NELL1: variants seen among roughly 807,000 people sequenced by gnomAD.
NELL1 encodes the protein neural EGFL like 1.
Under a neutral mutation model 107.4 loss-of-function variants are expected in NELL1, and 76 were observed. The ratio of observed to expected loss-of-function variants is 0.71; its 90% confidence interval spans 0.59 to 0.86. NELL1 has a LOEUF of 0.86. Ranked by LOEUF, NELL1 falls within the 40% of genes least tolerant of loss-of-function variation. The probability of loss-of-function intolerance (pLI) is 0.00; values close to 1 mark genes in which losing one functional copy is unlikely to be tolerated. For missense variants in NELL1, 1,024 were observed against 1,005.5 expected (o/e 1.02, Z -0.25); for synonymous variants, 353 against 341.2 (o/e 1.03, Z -0.38).
chr11:20,725,528 G>T (rs7105114), intron 2 of NELL1, among the ~76,000 whole-genome samples: 16,238 of 152,186 alleles, frequency 0.11, 1,059 homozygotes, highest in Non-Finnish European at 0.15. Flanking sequence ...GTGCTCTCTG[G>T]CTTGAAAGCA....
chr11:21,274,178 C>T (rs372610486), intron 14 of NELL1, among the ~76,000 whole-genome samples: 1 of 152,152 alleles, frequency 6.6e-6, no homozygotes, highest in Non-Finnish European at 1.5e-5. Flanking sequence ...CAGAGACACA[C>T]ATAGGCTCAA....
chr11:21,269,715 A>G (rs547205027), intron 14 of NELL1, among the ~76,000 whole-genome samples: 1 of 152,270 alleles, frequency 6.6e-6, no homozygotes, highest in South Asian at 2.1e-4. Flanking sequence ...AAAATCATAT[A>G]GTTCAAATCA....
At chr11:21,126,057 G>A (rs565696635) in intron 13 of NELL1, among the ~76,000 whole-genome samples, 2 of 152,310 alleles carry the variant, frequency 1.3e-5, no homozygotes, top group South Asian at 4.1e-4. Context: ...CTCTACACAT[G>A]AGGAATCTAT....
chr11:21,387,744 A>G (rs548220305), intron 15 of NELL1, among the ~76,000 whole-genome samples: 2 of 151,582 alleles, frequency 1.3e-5, no homozygotes, highest in African/African-American at 4.8e-5. Context: ...GTGTTACTAT[A>G]GTAACCCTAT....
intron 14 of NELL1, among the ~76,000 whole-genome samples, chr11:21,243,341 C>T (rs377039494): frequency 1.3e-5 from 2 of 151,902 alleles, no homozygotes; most frequent in South Asian, 2.1e-4. Context: ...GAAGCATAGG[C>T]CGTTTTTGCA....
intron 3 of NELL1, among the ~76,000 whole-genome samples, chr11:20,833,249 T>A (rs1246965942): frequency 6.6e-6 from 1 of 152,190 alleles, no homozygotes; most frequent in East Asian, 1.9e-4. Flanking sequence ...TATAAAGTAA[T>A]AACTAAAGTG....
intron 12 of NELL1, among the ~76,000 whole-genome samples, chr11:21,096,006 C>T (rs1266453759): frequency 6.6e-6 from 1 of 151,626 alleles, no homozygotes; most frequent in Non-Finnish European, 1.5e-5. Flanking sequence ...TATTCACTGT[C>T]ATGAGAACAG....
At chr11:20,842,164 G>A (rs1006385826) in intron 3 of NELL1, among the ~76,000 whole-genome samples, 1 of 152,086 alleles carries the variant, frequency 6.6e-6, no homozygotes, top group Non-Finnish European at 1.5e-5. Flanking sequence ...ATCACTTGAG[G>A]TCAGGAGTTC....
At chr11:21,422,345 A>T (rs546639946) in intron 15 of NELL1, among the ~76,000 whole-genome samples, 1 of 152,178 alleles carries the variant, frequency 6.6e-6, no homozygotes, top group African/African-American at 2.4e-5. Context: ...TATTGTAACA[A>T]TTTGTAACTC....
chr11:20,756,138 C>G (rs567461603), intron 2 of NELL1, among the ~76,000 whole-genome samples: 11 of 151,940 alleles, frequency 7.2e-5, no homozygotes, highest in African/African-American at 2.7e-4. Flanking sequence ...CCTCGGCCCC[C>G]CAAAGTGCTG....
intron 10 of NELL1, among the ~76,000 whole-genome samples, chr11:20,940,341 C>A (rs1307153831): frequency 1.3e-5 from 2 of 151,998 alleles, no homozygotes; most frequent in Non-Finnish European, 2.9e-5. Flanking sequence ...CTCACTGCAA[C>A]CTCTGCCTCC....
chr11:21,260,360 A>G (rs534386086), intron 14 of NELL1: 1 of 152,032 alleles, frequency 6.6e-6, no homozygotes, highest in Admixed American at 6.6e-5. Flanking sequence ...GACTGCTTTT[A>G]TATCAACAGA....
intron 14 of NELL1, among the ~76,000 whole-genome samples, chr11:21,256,411 T>C (rs1417614611): frequency 6.6e-6 from 1 of 151,978 alleles, no homozygotes; most frequent in Non-Finnish European, 1.5e-5. Flanking sequence ...AGAAAACAAA[T>C]CAAGTGGCAA....
intron 14 of NELL1, among the ~76,000 whole-genome samples, chr11:21,248,128 TG>T (rs1858541056): frequency 6.6e-6 from 1 of 152,132 alleles, no homozygotes; most frequent in African/African-American, 2.4e-5. Flanking sequence ...GTGGATGGCT[TG>T]AGCTCAGGAG....
chr11:20,845,520 T>C (rs960168765), intron 3 of NELL1, among the ~76,000 whole-genome samples: 2 of 152,190 alleles, frequency 1.3e-5, no homozygotes, highest in African/African-American at 4.8e-5. Context: ...AGTAAAGTAA[T>C]TGAGAGATTT....
At chr11:21,321,883 G>T (rs970124226) in intron 14 of NELL1, among the ~76,000 whole-genome samples, 1 of 152,214 alleles carries the variant, frequency 6.6e-6, no homozygotes, top group Non-Finnish European at 1.5e-5. Flanking sequence ...AGTCCAGCAG[G>T]ATTTGAATCT....
chr11:20,669,817 G>A lies in NELL1; in HGVS notation c.55+39G>A, dbSNP rs778017968. On this transcript the variant is annotated intron_variant, in intron 1 of 19. Transcript: ENST00000357134. This position sits in a 1 kb window ranked among gnomAD's most constrained non-coding sequence, Gnocchi z 4.4. ...TGGCGGTTAGAGGGATCCGGGAAAT[G>A]GGGGTGCCCACAGACCACGGCGGCG... The A allele has an allele frequency of 3.2e-6, 5 of 1,574,948 alleles. No homozygotes were observed. The highest frequency in any genetic ancestry group is 2.7e-5 in the African/African-American group (2 of 74,204).
At chr11:20,848,241 G>A (rs182307754) in intron 4 of NELL1, among the ~76,000 whole-genome samples, 51 of 152,246 alleles carry the variant, frequency 3.3e-4, no homozygotes, top group Middle Eastern at 6.8e-3. Flanking sequence ...TCTTAAAGAG[G>A]CTGTTCTCTG....
chr11:20,755,386 T>C (rs1250124485), intron 2 of NELL1, among the ~76,000 whole-genome samples: 1 of 152,152 alleles, frequency 6.6e-6, no homozygotes, highest in Non-Finnish European at 1.5e-5. Context: ...CTCATTTCAT[T>C]ATCTCCATGG....
Sources: gnomAD v4.1 joint callset for allele counts (sites outside exome capture counted in the v4.1 genomes callset) on GRCh38, gnomAD v4.1.1 for gene constraint, Gnocchi (gnomAD v3.1) non-coding constraint, MANE v1.5 for transcripts, NCBI Gene and HGNC (gene_info 2026-07-23, HGNC 2026-07-21) for gene names.